The following OSBPL9 variants were observed in gnomAD, a reference collection of about 807,000 sequenced individuals.
The protein encoded by OSBPL9 is oxysterol-binding protein-related protein 9.
OSBPL9 carries 40 observed loss-of-function variants against 106.6 expected under a neutral mutation model. That is an observed-to-expected ratio of 0.38 (90% CI 0.29 to 0.49). OSBPL9 has a LOEUF of 0.49. OSBPL9 is among the 20% of genes least tolerant of loss of function. The pLI is 0.97. For synonymous variants in OSBPL9, 269 were observed against 295.4 expected (o/e 0.91, Z 0.92); for missense variants, 609 against 887.2 (o/e 0.69, Z 3.98).
chr1:51,589,022 G>A (rs1464896706), intron 1 of OSBPL9, among the ~76,000 whole-genome samples: 1 of 152,160 alleles, frequency 6.6e-6, no homozygotes, highest in African/African-American at 2.4e-5. Context: ...TTTTTGGGGT[G>A]ATGGAAGTGT....
In OSBPL9 at chr1:51,763,440, A is replaced by G. The variant is rs72900011; in HGVS notation, c.778+1469A>G. Among the ~76,000 whole-genome samples the G allele has an allele frequency of 7.2e-3, 1,093 of 152,294 alleles. 10 individuals carry two copies. Among genetic ancestry groups the G allele is most frequent in the African/African-American group, 0.025 (1,051 of 41,570 alleles). On this transcript the variant is annotated intron_variant, in intron 11 of 23. Transcript: ENST00000428468. ...TATGTTGAATAACTTGTAGAACCAA[A>G]CTCAAGGAAGCATCTAGCACTTTTC...
chr1:51,661,233 G>A (rs144289308), intron 2 of OSBPL9, among the ~76,000 whole-genome samples: 9 of 152,242 alleles, frequency 5.9e-5, no homozygotes, highest in African/African-American at 2.2e-4. Context: ...TGTCTCAGAG[G>A]AGTCATCATT....
intron 6 of OSBPL9, 110 bp from the exon 7 acceptor site, chr1:51,748,259 C>T (rs1571511344): frequency 6.8e-6 from 9 of 1,319,028 alleles, no homozygotes; most frequent in Non-Finnish European, 9.0e-6. Flanking sequence ...CTTGTACTCA[C>T]TTAGAATGAG....
At chr1:51,564,052 C>CAAAAAAAAAAAAAAAAAAAAAAAAAAAA in the OSBPL9 span, among the ~76,000 whole-genome samples, 2 of 27,386 alleles carry the variant, frequency 7.3e-5, 1 homozygote, top group African/African-American at 2.5e-4. Context: ...GAGATCATCT[C>CAAAAAAAAAAAAAAAAAAAAAAAAAAAA]AAAAAAAAAA....
At chr1:51,546,119 C>A in the OSBPL9 span, among the ~76,000 whole-genome samples, 1 of 151,980 alleles carries the variant, frequency 6.6e-6, no homozygotes, top group East Asian at 1.9e-4. Flanking sequence ...TGGGCTCAAG[C>A]GATCCTCTCA....
chr1:51,674,414 G>GT (rs1650685032), intron 3 of OSBPL9, among the ~76,000 whole-genome samples: 1 of 152,148 alleles, frequency 6.6e-6, no homozygotes, highest in Non-Finnish European at 1.5e-5. Context: ...GATTTCAGGT[G>GT]TTAGCCATTG....
At chr1:51,549,980 T>C in the OSBPL9 span, among the ~76,000 whole-genome samples, 1 of 152,234 alleles carries the variant, frequency 6.6e-6, no homozygotes, top group Non-Finnish European at 1.5e-5. Context: ...TTTTCTTTTA[T>C]AGTGCTTTGT....
At chr1:51,602,004 C>CCATTCTTGG (rs1219881113) in intron 2 of OSBPL9, among the ~76,000 whole-genome samples, 16 of 110,298 alleles carry the variant, frequency 1.5e-4, no homozygotes, top group Admixed American at 1.4e-3. Flanking sequence ...GTCAATTGTT[C>CCATTCTTGG]CATTCTTGGG....
the OSBPL9 span, chr1:51,563,882 C>A: frequency 2.6e-5 from 4 of 151,772 alleles, no homozygotes; most frequent in East Asian, 7.7e-4. Flanking sequence ...GAGTTCAAGA[C>A]CGGCCTGGGC....
At chr1:51,570,713 T>C in the OSBPL9 span, among the ~76,000 whole-genome samples, 1 of 152,246 alleles carries the variant, frequency 6.6e-6, no homozygotes, top group Non-Finnish European at 1.5e-5. Flanking sequence ...TGGAGAATTA[T>C]TCCTATCTCA....
At chr1:51,731,608 C>G (rs1664438598) in intron 4 of OSBPL9, among the ~76,000 whole-genome samples, 1 of 151,978 alleles carries the variant, frequency 6.6e-6, no homozygotes, top group African/African-American at 2.4e-5. Context: ...GAAACCCCGT[C>G]TCTACTAAAA....
At chr1:51,772,359 C>T (rs1674108018) in intron 13 of OSBPL9, among the ~76,000 whole-genome samples, 177 bp downstream of exon 13, 1 of 152,030 alleles carries the variant, frequency 6.6e-6, no homozygotes, top group African/African-American at 2.4e-5. Context: ...TAAAAAAATA[C>T]AAAAAATTAG....
chr1:51,647,404 G>T (rs138981056), intron 1 of OSBPL9, among the ~76,000 whole-genome samples: 1 of 152,056 alleles, frequency 6.6e-6, no homozygotes, highest in Non-Finnish European at 1.5e-5. Flanking sequence ...TCTGGTTTTG[G>T]TATTAGAATA....
intron 1 of OSBPL9, among the ~76,000 whole-genome samples, chr1:51,577,495 C>T (rs1299610831): frequency 6.6e-6 from 1 of 151,712 alleles, no homozygotes; most frequent in Non-Finnish European, 1.5e-5. Context: ...GGATGGTCTC[C>T]GTCTCCTGAC....
At chr1:51,617,482 A>G (rs1020998566) in intron 1 of OSBPL9, among the ~76,000 whole-genome samples, 3 of 152,150 alleles carry the variant, frequency 2.0e-5, no homozygotes, top group East Asian at 1.9e-4. Context: ...AGGGTCCGCT[A>G]TTAAGCGGTA....
chr1:51,634,360 A>G (rs2148660108), intron 1 of OSBPL9, among the ~76,000 whole-genome samples: 1 of 152,286 alleles, frequency 6.6e-6, no homozygotes, highest in South Asian at 2.1e-4. Flanking sequence ...ATTTCCTTTA[A>G]TCAACTCTGT....
chr1:51,563,439 C>G, the OSBPL9 span, among the ~76,000 whole-genome samples: 21 of 152,312 alleles, frequency 1.4e-4, no homozygotes, highest in Non-Finnish European at 2.5e-4. Context: ...TGGCCTTTAC[C>G]AGCCCACCCC....
chr1:51,521,157 T>C, the OSBPL9 span, among the ~76,000 whole-genome samples: 1 of 152,184 alleles, frequency 6.6e-6, no homozygotes, highest in Non-Finnish European at 1.5e-5. Flanking sequence ...GTGAAATAAA[T>C]AGGACTCAGA....
At chr1:51,777,003 T>A in intron 15 of OSBPL9, 85 bp downstream of exon 15, 1 of 1,022,696 alleles carries the variant, frequency 9.8e-7, no homozygotes, top group Non-Finnish European at 1.5e-6. Context: ...ATAGATGGAT[T>A]CCTTGTCACC....
Sources: gnomAD v4.1 joint callset for allele counts (sites outside exome capture counted in the v4.1 genomes callset) on GRCh38, gnomAD v4.1.1 for gene constraint, MANE v1.5 for transcripts, NCBI Gene and HGNC (gene_info 2026-07-23, HGNC 2026-07-21) for gene names.